COL4A3: variants seen among roughly 807,000 people sequenced by gnomAD.
COL4A3 encodes the protein collagen alpha-3(IV) chain.
A neutral mutation model predicts 217.4 loss-of-function variants in COL4A3; 135 were observed. The observed-to-expected ratio is 0.62, with a 90% CI of 0.54 to 0.72. The LOEUF is 0.72. COL4A3 is among the 30% of genes least tolerant of loss of function. The probability of loss-of-function intolerance (pLI) is 0.00; values close to 1 mark genes in which losing one functional copy is unlikely to be tolerated. For synonymous variants in COL4A3, 690 were observed against 736.3 expected, an observed-to-expected ratio of 0.94 and a Z score of 1.02; for missense variants, 1,868 against 2,119.9, an observed-to-expected ratio of 0.88 and a Z score of 2.33.
chr2:227,304,900 G>A, intron 46 of COL4A3, 85 bp from the exon 47 acceptor site: 2 of 1,118,514 alleles, frequency 1.8e-6, no homozygotes, highest in Non-Finnish European at 2.7e-6. Context: ...CTGAAACTGA[G>A]AAAGTCCTGG....
chr2:227,253,614 C>G lies in COL4A3; in HGVS notation c.741C>G (p.Thr247=), dbSNP rs199887536. 2.3e-5 allele frequency: 37 copies of G among 1,613,842 alleles called. No individual in the cohort carries two copies. The highest frequency in any genetic ancestry group is 3.3e-4 in the Middle Eastern group (2 of 6,084). The change falls in exon 13 of 52, where the codon ACC becomes ACG. Residue 247 remains threonine (T), a synonymous_variant. Transcript: ENST00000396578. The surrounding 1 kb of genome is among the most constrained non-coding windows in gnomAD (Gnocchi z 4.4). ...PPGPPGTVIV[T]LTGPDNRTDL... The stretch of plus-strand genomic sequence containing the variant: ...GACCACCAGGAACAGTTATTGTGAC[C>G]CTAACTGGCCCAGATAACAGAACGG...
At chr2:227,202,477 GCT>G (rs1368225962) in intron 1 of COL4A3, among the ~76,000 whole-genome samples, 1 of 151,852 alleles carries the variant, frequency 6.6e-6, no homozygotes, top group African/African-American at 2.4e-5. Flanking sequence ...GGGCGCGGTG[GCT>G]CTCTCCTGTA....
At chr2:227,236,669 TC>T (rs67564238) in intron 1 of COL4A3, among the ~76,000 whole-genome samples, 11,813 of 149,700 alleles carry the variant, frequency 0.079, 720 homozygotes, top group Admixed American at 0.13. Context: ...ACACATTTTT[TC>T]TTTTTTTGAG....
intron 1 of COL4A3, among the ~76,000 whole-genome samples, chr2:227,236,017 G>GCCC (rs112951009): frequency 1.1e-4 from 16 of 151,848 alleles, no homozygotes; most frequent in Admixed American, 4.6e-4. Flanking sequence ...CAGGTGATCC[G>GCCC]CCCCCCTGGG....
At chr2:227,216,432 G>A (rs144560397) in intron 1 of COL4A3, among the ~76,000 whole-genome samples, 38 of 152,194 alleles carry the variant, frequency 2.5e-4, no homozygotes, top group Admixed American at 5.9e-4. Flanking sequence ...AGACCTTACC[G>A]CATCTCTTTA....
chr2:227,298,121 A>G (rs912868413), intron 42 of COL4A3, among the ~76,000 whole-genome samples: 9 of 152,116 alleles, frequency 5.9e-5, no homozygotes, highest in African/African-American at 2.2e-4. Context: ...GCCAAGGCAG[A>G]CGGATCACTT....
intron 1 of COL4A3, among the ~76,000 whole-genome samples, chr2:227,195,663 A>ATGTGTGTGTGTGTG (rs1367563699): frequency 7.5e-5 from 6 of 79,682 alleles, no homozygotes; most frequent in East Asian, 4.1e-4. Context: ...ACATATATAT[A>ATGTGTGTGTGTGTG]TATATGTGTG....
intron 43 of COL4A3, 63 bp from the exon 44 acceptor site, chr2:227,302,975 C>T (rs1163742933): frequency 1.9e-6 from 2 of 1,074,114 alleles, no homozygotes; most frequent in South Asian, 1.3e-5. Flanking sequence ...TTTTAAAAAA[C>T]TGCTGTGAAT....
rs2066251346 is a variant in COL4A3, at chr2:227,191,722, T to A, written c.87+26909T>A. On this transcript the variant is annotated intron_variant, in intron 1 of 51. Transcript: ENST00000396578. The surrounding 1 kb of genome is among the most constrained non-coding windows in gnomAD (Gnocchi z 6.8). ...ACTGTGTTTACAACTACTGGGCATA[T>A]CTCAGGTTACCTTAAATGAAAATCA... Among the ~76,000 whole-genome samples, 1 of 152,202 alleles carries A rather than the reference T, an allele frequency of 6.6e-6. No homozygotes were observed. Among genetic ancestry groups the A allele is most frequent in the East Asian group, 1.9e-4 (1 of 5,198 alleles).
At chr2:227,180,505 A>G (rs2065835613) in intron 1 of COL4A3, among the ~76,000 whole-genome samples, 1 of 152,218 alleles carries the variant, frequency 6.6e-6, no homozygotes. Context: ...CTACAAGGGC[A>G]GTCATGCAGG....
chr2:227,165,023 G>A (rs1448297528), intron 1 of COL4A3, among the ~76,000 whole-genome samples: 1 of 152,198 alleles, frequency 6.6e-6, no homozygotes, highest in Non-Finnish European at 1.5e-5. Flanking sequence ...GCGCGGGGCT[G>A]GGGGAAGAGG....
At chr2:227,197,457 T>A (rs62277825) in intron 1 of COL4A3, among the ~76,000 whole-genome samples, 1 of 152,224 alleles carries the variant, frequency 6.6e-6, no homozygotes, top group Non-Finnish European at 1.5e-5. Flanking sequence ...CTATGATGTT[T>A]GCACAATGAC....
chr2:227,174,770 G>T (rs1348961279), intron 1 of COL4A3, among the ~76,000 whole-genome samples: 1 of 152,194 alleles, frequency 6.6e-6, no homozygotes, highest in Admixed American at 6.5e-5. Flanking sequence ...GCCTCCCAAA[G>T]TGTTGGGATT....
Position 227,253,609 on chromosome 2 carries a change from G to A in COL4A3, c.736G>A (p.Val246Met), listed in dbSNP as rs756512062. The A allele has an allele frequency of 1.9e-6, 3 of 1,614,102 alleles. No individual in the cohort carries two copies. Among genetic ancestry groups the A allele is most frequent in the South Asian group, 2.2e-5 (2 of 91,086 alleles). ...GPPGPPGTVI[V>M]TLTGPDNRTD... ...CCCGGGACCACCAGGAACAGTTATTGTGACCCTAACTGGCCCAGATAACAG... is the reference window on the plus strand; with the variant it reads ...CCCGGGACCACCAGGAACAGTTATTATGACCCTAACTGGCCCAGATAACAG... Residue 246 changes from valine to methionine, a missense_variant, in exon 13 of 52, where the codon GTG (valine) becomes ATG (methionine). Around this residue, in one of 2 missense-constraint regions of COL4A3, gnomAD observed 365 missense variants for 333.8 expected, o/e 1.09. Transcript: ENST00000396578. This position sits in a 1 kb window ranked among gnomAD's most constrained non-coding sequence, Gnocchi z 4.4.
At chr2:227,308,851 A>C in intron 48 of COL4A3, 48 bp from the exon 49 acceptor site, 1 of 1,586,798 alleles carries the variant, frequency 6.3e-7, no homozygotes, top group Non-Finnish European at 8.6e-7. Flanking sequence ...CGATGCTGAA[A>C]ATAACTTTAA....
chr2:227,165,250 C>T (rs1428358397), intron 1 of COL4A3, among the ~76,000 whole-genome samples: 3 of 152,124 alleles, frequency 2.0e-5, no homozygotes, highest in Non-Finnish European at 2.9e-5. Context: ...GAGTCCCAGC[C>T]GCCACTTCCT....
At chr2:227,266,347 A>G (rs1263819723) in intron 21 of COL4A3, 70 bp from the exon 22 acceptor site, 2 of 1,121,532 alleles carry the variant, frequency 1.8e-6, no homozygotes, top group Non-Finnish European at 2.7e-6. Flanking sequence ...TAAATAATAC[A>G]TATATTACAA....
intron 1 of COL4A3, among the ~76,000 whole-genome samples, chr2:227,218,080 C>CCATATATA (rs2067598273): frequency 8.4e-6 from 1 of 118,378 alleles, no homozygotes. Context: ...ATATATATAG[C>CCATATATA]TATATATATA....
At chr2:227,262,354 C>T (rs1037911833) in intron 20 of COL4A3, among the ~76,000 whole-genome samples, 2 of 151,958 alleles carry the variant, frequency 1.3e-5, no homozygotes, top group South Asian at 2.1e-4. Flanking sequence ...TTTAATAAGC[C>T]GATGAGAGGA....
Sources: allele counts gnomAD v4.1 joint callset (sites outside exome capture counted in the v4.1 genomes callset), GRCh38; gene constraint gnomAD v4.1.1; regional missense constraint gnomAD v4.1.1; non-coding constraint Gnocchi (gnomAD v3.1); transcripts MANE v1.5; gene names NCBI Gene and HGNC (gene_info 2026-07-23, HGNC 2026-07-21).